CSMD1: variants seen among roughly 807,000 people sequenced by gnomAD.
CSMD1 encodes the protein CUB and Sushi multiple domains 1.
A neutral mutation model predicts 417.5 loss-of-function variants in CSMD1; 213 were observed. The observed-to-expected ratio is 0.51, with a 90% CI of 0.46 to 0.57. The LOEUF is 0.57. CSMD1 is among the 20% of genes least tolerant of loss of function. The probability of loss-of-function intolerance (pLI) is 0.00; values close to 1 mark genes in which losing one functional copy is unlikely to be tolerated. For missense variants in CSMD1, 6,923 were observed against 4,529.7 expected (o/e 1.53, Z -15.17); for synonymous variants, 2,862 against 1,736.8 (o/e 1.65, Z -16.11).
chr8:4,660,670 T>G (rs551830955), intron 1 of CSMD1, among the ~76,000 whole-genome samples: 1 of 133,568 alleles, frequency 7.5e-6, no homozygotes, highest in South Asian at 2.6e-4. Context: ...AAAAATCCTG[T>G]AAAGGGAATG....
chr8:4,083,986 C>T (rs867792932), intron 3 of CSMD1, among the ~76,000 whole-genome samples: 1 of 151,904 alleles, frequency 6.6e-6, no homozygotes, highest in African/African-American at 2.4e-5. Context: ...TGAACTCAAA[C>T]AAATTTACAA....
At chr8:3,972,804 G>A (rs983520277) in intron 5 of CSMD1, among the ~76,000 whole-genome samples, 1 of 152,034 alleles carries the variant, frequency 6.6e-6, no homozygotes, top group Non-Finnish European at 1.5e-5. Context: ...CTATTTTATG[G>A]GAATAATTTT....
At chr8:4,406,249 C>CA in intron 3 of CSMD1, among the ~76,000 whole-genome samples, 1 of 152,228 alleles carries the variant, frequency 6.6e-6, no homozygotes, top group Admixed American at 6.5e-5. Context: ...GCAAGTGGCT[C>CA]TCCTGGTGCA....
intron 12 of CSMD1, among the ~76,000 whole-genome samples, chr8:3,416,673 A>T (rs1200586679): frequency 2.6e-5 from 4 of 152,204 alleles, no homozygotes; most frequent in Non-Finnish European, 1.5e-5. Context: ...TGCTGTGGCC[A>T]CATCCCCTGC....
chr8:3,162,278 C>T lies in CSMD1; in HGVS notation c.5726-1G>A. 6.3e-7 allele frequency: 1 copy of T among 1,585,742 alleles called. No individual in the cohort carries two copies. Among genetic ancestry groups the T allele is most frequent in the Non-Finnish European group, 8.6e-7 (1 of 1,159,334 alleles). On this transcript the variant is annotated splice_acceptor_variant, in intron 37 of 69. Coordinates refer to ENST00000635120, the MANE Select transcript of CSMD1 (RefSeq NM_033225.6). LOFTEE classifies it high-confidence loss of function. ...TCTTGGCATGCAGCAAGACCTACAGCTAGAAATGCAAAGACAAATGCTAGA... is the reference window on the plus strand; with the variant it reads ...TCTTGGCATGCAGCAAGACCTACAGTTAGAAATGCAAAGACAAATGCTAGA...
At chr8:3,737,462 A>G (rs140295681) in intron 6 of CSMD1, among the ~76,000 whole-genome samples, 6 of 152,366 alleles carry the variant, frequency 3.9e-5, no homozygotes, top group African/African-American at 1.4e-4. Context: ...ATTAATTGTT[A>G]AATGCCATCA....
At chr8:4,420,959 G>A (rs531565864) in intron 2 of CSMD1, among the ~76,000 whole-genome samples, 41 of 152,194 alleles carry the variant, frequency 2.7e-4, no homozygotes, top group Admixed American at 1.7e-3. Flanking sequence ...TACAATTCAC[G>A]GGGATCTTCA....
intron 4 of CSMD1, among the ~76,000 whole-genome samples, chr8:4,028,509 A>G (rs1182733681): frequency 1.4e-5 from 2 of 145,934 alleles, no homozygotes; most frequent in African/African-American, 5.3e-5. Flanking sequence ...CAAAAAAAGG[A>G]AAAAAAAATA....
chr8:3,329,211 A>G (rs1182843983), intron 23 of CSMD1, among the ~76,000 whole-genome samples: 3 of 152,158 alleles, frequency 2.0e-5, no homozygotes, highest in East Asian at 3.9e-4. Flanking sequence ...GATATTATCA[A>G]TAACAGAGGA....
intron 7 of CSMD1, among the ~76,000 whole-genome samples, chr8:3,668,278 C>G (rs1175604232): frequency 1.3e-5 from 2 of 152,098 alleles, no homozygotes; most frequent in South Asian, 2.1e-4. Context: ...GCGAAGATGG[C>G]CCTGTGTAAA....
intron 3 of CSMD1, among the ~76,000 whole-genome samples, chr8:4,286,334 A>G (rs539331746): frequency 6.6e-6 from 1 of 152,114 alleles, no homozygotes; most frequent in Admixed American, 6.5e-5. Flanking sequence ...ACATTCTTTT[A>G]TTTTTAAAAA....
rs1206464724 is a variant in CSMD1 at position 2,998,376 on chromosome 8, G to C, written c.8204-192C>G. The stretch of plus-strand genomic sequence containing the variant: ...GCTACAACCACAGGCTGACACTACA[G>C]GCTTTTAATATAATTGTGGAAAATA... On this transcript the variant is annotated intron_variant, in intron 53 of 69. Coordinates refer to ENST00000635120, the MANE Select transcript of CSMD1 (RefSeq NM_033225.6). 6.6e-5 allele frequency among the ~76,000 whole-genome samples: 10 copies of C among 152,136 alleles called. No homozygotes were observed. The South Asian group carries it at 2.1e-3, about 32-fold the overall frequency.
chr8:4,004,111 T>C (rs1563307797), intron 4 of CSMD1, among the ~76,000 whole-genome samples: 1 of 152,160 alleles, frequency 6.6e-6, no homozygotes, highest in East Asian at 1.9e-4. Flanking sequence ...CGTTAAGCTG[T>C]ATACATATGT....
chr8:4,325,874 G>T (rs373421678), intron 3 of CSMD1, among the ~76,000 whole-genome samples: 24 of 152,064 alleles, frequency 1.6e-4, no homozygotes, highest in African/African-American at 5.1e-4. Context: ...TGAGAGTTCC[G>T]TTCTGTATAT....
At chr8:3,741,362 G>C (rs531819661) in intron 6 of CSMD1, among the ~76,000 whole-genome samples, 56 of 152,228 alleles carry the variant, frequency 3.7e-4, no homozygotes, top group African/African-American at 1.3e-3. Context: ...TGAGAGGGGA[G>C]ACCGAAGGGG....
chr8:4,441,858 G>C (rs1284813539), intron 2 of CSMD1, among the ~76,000 whole-genome samples: 4 of 152,120 alleles, frequency 2.6e-5, no homozygotes, highest in Admixed American at 6.5e-5. Flanking sequence ...GAAAATTCCA[G>C]AAAGATTTGA....
At chr8:3,874,718 C>G (rs543286024) in intron 5 of CSMD1, among the ~76,000 whole-genome samples, 14 of 152,066 alleles carry the variant, frequency 9.2e-5, no homozygotes, top group Non-Finnish European at 1.8e-4. Flanking sequence ...GCGACTGGCG[C>G]CCACTGCTCT....
In CSMD1 at chr8:4,238,384, C is replaced by G. The variant is rs995617694; in HGVS notation, c.415+181569G>C. On this transcript the variant is annotated intron_variant, in intron 3 of 69. Transcript: ENST00000635120. The stretch of plus-strand genomic sequence containing the variant: ...ACTGGGGCAGCCCAAAGCACATCTG[C>G]TAACTCCGCCCTGAGCACACATGGT... Among the ~76,000 whole-genome samples the G allele has an allele frequency of 4.9e-4, 74 of 152,142 alleles. 1 individual carries two copies. The highest frequency in any genetic ancestry group is 4.5e-3 in the Admixed American group (69 of 15,268).
intron 1 of CSMD1, among the ~76,000 whole-genome samples, chr8:4,688,643 G>C (rs1365415753): frequency 1.3e-5 from 2 of 152,066 alleles, no homozygotes; most frequent in African/African-American, 4.8e-5. Context: ...CCATTTGGGG[G>C]GGTCTTTACC....
Sources: gnomAD v4.1 joint callset for allele counts (sites outside exome capture counted in the v4.1 genomes callset) on GRCh38, gnomAD v4.1.1 for gene constraint, MANE v1.5 for transcripts, NCBI Gene and HGNC (gene_info 2026-07-23, HGNC 2026-07-21) for gene names.